The following ARID3C variants were observed in gnomAD, a reference collection of about 807,000 sequenced individuals.
ARID3C encodes the protein AT-rich interaction domain 3C, also known as AT-rich interactive domain-containing protein 3C.
Under a neutral mutation model 37.9 loss-of-function variants are expected in ARID3C, and 42 were observed. The ratio of observed to expected loss-of-function variants is 1.11; its 90% CI spans 0.87 to 1.43. The LOEUF is 1.43. Ranked by LOEUF, ARID3C falls within the 40% of genes most tolerant of loss-of-function variation. ARID3C has a pLI of 0.00. For synonymous variants in ARID3C, 213 were observed against 228.0 expected (o/e 0.93, Z 0.59); for missense variants, 581 against 548.8 (o/e 1.06, Z -0.59).
chr9:34,628,720 G>T (rs1431854033), upstream of ARID3C, among the ~76,000 whole-genome samples: 1 of 152,128 alleles, frequency 6.6e-6, no homozygotes, highest in East Asian at 1.9e-4. This position sits in a 1 kb window ranked among gnomAD's most constrained non-coding sequence, Gnocchi z 5.2. Flanking sequence ...GAAAGAGACA[G>T]TTAAATAGAG....
chr9:34,621,527 T>C (rs755449170), exon 7 of ARID3C: 113 of 1,561,348 alleles, frequency 7.2e-5, no homozygotes, highest in Middle Eastern at 1.7e-4. Flanking sequence ...CCTGGGAAGC[T>C]GGCACAGGCT....
chr9:34,632,945 T>C (rs1026252241), upstream of ARID3C, among the ~76,000 whole-genome samples: 7 of 152,072 alleles, frequency 4.6e-5, no homozygotes, highest in African/African-American at 1.7e-4. Context: ...GAAGTCAAGA[T>C]ATATAGATGG....
At chr9:34,627,971 C>G (rs764596688) in exon 1 of ARID3C, 119 of 1,529,816 alleles carry the variant, frequency 7.8e-5, no homozygotes, top group Non-Finnish European at 1.1e-5. Flanking sequence ...TGGCCCCACC[C>G]CCTGGGCCAG....
upstream of ARID3C, among the ~76,000 whole-genome samples, chr9:34,629,134 C>T (rs1483066255): frequency 6.6e-6 from 1 of 152,156 alleles, no homozygotes; most frequent in Non-Finnish European, 1.5e-5. Context: ...GGAGAGGCCC[C>T]TGTGGGATCT....
At chr9:34,621,892 A>T (rs1820569093) in intron 6 of ARID3C, 128 bp downstream of exon 7, 2 of 957,390 alleles carry the variant, frequency 2.1e-6, no homozygotes, top group Non-Finnish European at 3.2e-6. Context: ...CAATCCCCTG[A>T]ACTCCATGTT....
intron 1 of ARID3C, 98 bp downstream of exon 2, chr9:34,627,599 G>C: frequency 9.3e-7 from 1 of 1,074,976 alleles, no homozygotes; most frequent in East Asian, 2.4e-5. Flanking sequence ...ATCTTGCAGA[G>C]GGTGGTGGGG....
chr9:34,623,758 C>A (rs775108204), intron 3 of ARID3C, 44 bp from the exon 5 acceptor site: 4 of 1,502,996 alleles, frequency 2.7e-6, no homozygotes, highest in Non-Finnish European at 3.5e-6. Flanking sequence ...AGGCTGCACC[C>A]AGCTGGTCAA....
chr9:34,622,806 A>G (rs959815760), intron 4 of ARID3C, among the ~76,000 whole-genome samples: 6 of 152,212 alleles, frequency 3.9e-5, no homozygotes, highest in African/African-American at 1.2e-4. Context: ...ACTATATGCA[A>G]ATAGGAGCAC....
At chr9:34,630,695 C>T (rs532578188), upstream of ARID3C, among the ~76,000 whole-genome samples, 5 of 152,208 alleles carry the variant, frequency 3.3e-5, no homozygotes, top group South Asian at 8.3e-4. Flanking sequence ...TGCCTCCAGC[C>T]GCCACCCTTC....
intron 3 of ARID3C, 68 bp downstream of exon 4, chr9:34,623,796 A>ACCCAGCC: frequency 8.8e-7 from 1 of 1,134,840 alleles, no homozygotes; most frequent in Non-Finnish European, 1.3e-6. Context: ...CCGCCCGGGG[A>ACCCAGCC]CCCTCCCCCC....
At chr9:34,625,554 C>T (rs990950360) in intron 2 of ARID3C, among the ~76,000 whole-genome samples, 188 bp downstream of exon 3, 1 of 151,808 alleles carries the variant, frequency 6.6e-6, no homozygotes, top group Admixed American at 6.6e-5. Flanking sequence ...ATTAACCTGC[C>T]AGTGGGCTGG....
upstream of ARID3C, among the ~76,000 whole-genome samples, chr9:34,631,336 C>A (rs117270251): frequency 4.6e-3 from 698 of 152,246 alleles, 4 homozygotes; most frequent in Non-Finnish European, 7.2e-3. Context: ...AGGAGGGCTA[C>A]AACTGGGAAG....
intron 4 of ARID3C, among the ~76,000 whole-genome samples, 193 bp from the exon 6 acceptor site, chr9:34,622,722 G>A (rs1004059796): frequency 6.6e-6 from 1 of 152,202 alleles, no homozygotes; most frequent in Non-Finnish European, 1.5e-5. Flanking sequence ...AAGGATCAAG[G>A]TACATGTCTA....
upstream of ARID3C, among the ~76,000 whole-genome samples, chr9:34,628,659 A>C (rs1242969779): frequency 6.6e-6 from 1 of 152,150 alleles, no homozygotes; most frequent in East Asian, 1.9e-4. This position sits in a 1 kb window ranked among gnomAD's most constrained non-coding sequence, Gnocchi z 5.2. Context: ...ACAGGGGTTG[A>C]GATATAGGGA....
At chr9:34,626,386 G>A (rs1309493453) in intron 1 of ARID3C, among the ~76,000 whole-genome samples, 1 of 152,126 alleles carries the variant, frequency 6.6e-6, no homozygotes, top group East Asian at 1.9e-4. Context: ...TTTCCTTTCA[G>A]AGGCAGTTAA....
Position 34,628,070 on chromosome 9 carries a change from C to T in ARID3C, c.-56G>A. On this transcript the variant is annotated 5_prime_UTR_variant, in exon 1 of 7. Coordinates refer to ENST00000378909, the Ensembl canonical transcript of ARID3C. The surrounding 1 kb of genome is among the most constrained non-coding windows in gnomAD (Gnocchi z 5.2). ...GGGGGTCCCTGGTACCAGGCGGGAC[C>T]CCGAGGAAAGGGCCGCCTGTGGGGG... is the stretch of plus-strand genomic sequence containing the variant. The T allele has an allele frequency of 6.9e-7, 1 of 1,441,900 alleles. No individual in the cohort carries two copies. The highest frequency in any genetic ancestry group is 9.1e-7 in the Non-Finnish European group (1 of 1,100,100). 89.3% of individuals were successfully genotyped at this position (1,441,900 alleles called of 1,614,324 possible).
intron 4 of ARID3C, among the ~76,000 whole-genome samples, chr9:34,623,147 C>CAAAA (rs1334414839): frequency 1.4e-5 from 1 of 72,434 alleles, no homozygotes; most frequent in Non-Finnish European, 2.7e-5. Flanking sequence ...CTCCGTCTCA[C>CAAAA]AAAAAAAAAA....
intron 2 of ARID3C, 54 bp from the exon 4 acceptor site, chr9:34,624,101 C>T: frequency 6.6e-7 from 1 of 1,513,752 alleles, no homozygotes; most frequent in Non-Finnish European, 8.9e-7. Context: ...CTGTCTGCAG[C>T]ATCCCCAGGG....
chr9:34,622,612 G>A (rs1820591351), intron 4 of ARID3C, 83 bp from the exon 6 acceptor site: 1 of 1,391,290 alleles, frequency 7.2e-7, no homozygotes, highest in Non-Finnish European at 9.7e-7. Flanking sequence ...GACCAAAAGA[G>A]GTAACTCAAG....
Sources: allele counts gnomAD v4.1 joint callset (sites outside exome capture counted in the v4.1 genomes callset), GRCh38; gene constraint gnomAD v4.1.1; non-coding constraint Gnocchi (gnomAD v3.1); transcripts MANE v1.5; gene names NCBI Gene and HGNC (gene_info 2026-07-23, HGNC 2026-07-21).